The following GPR158 variants were observed in gnomAD, a reference collection of about 807,000 sequenced individuals.
GPR158 encodes G protein-coupled receptor 158.
GPR158 carries 30 observed loss-of-function variants against 78.2 expected under a neutral mutation model. The ratio of observed to expected loss-of-function variants is 0.38; its 90% CI spans 0.29 to 0.52. GPR158 has a LOEUF of 0.52. GPR158 is among the 20% of genes least tolerant of loss of function. The pLI is 0.83. For missense variants in GPR158, 1,463 were observed against 1,523.5 expected (o/e 0.96, Z 0.66); for synonymous variants, 581 against 591.1 (o/e 0.98, Z 0.25).
chr10:25,596,678 T>C lies in GPR158; in HGVS notation c.2034T>C (p.Ile678=). 4 of 1,613,618 alleles carry C rather than the reference T, an allele frequency of 2.5e-6. No individual in the cohort carries two copies. In the African/African-American group the frequency reaches 5.3e-5, roughly 22 times the overall value. ...CAAGCAATAACCCACGAGATGATAT[T>C]GCTACAGAAGCATATGAGGATGAGC... ...SHSSNNPRDD[I]ATEAYEDELD... The change falls in exon 10 of 11, where the codon ATT becomes ATC. Residue 678 remains isoleucine (I), a synonymous_variant. Transcript: ENST00000376351.
At position 25,477,768 on chromosome 10, in the gene GPR158, A is replaced by G. The variant is rs1835609011; in HGVS notation, c.1404+11049A>G. Among the ~76,000 whole-genome samples the G allele has an allele frequency of 2.0e-5, 3 of 152,202 alleles. 1 individual carries two copies. In the South Asian group the frequency reaches 6.2e-4, roughly 32 times the overall value. On this transcript the variant is annotated intron_variant, in intron 5 of 10. Transcript: ENST00000376351. ...ATGGGGATAGCCGTTTTATGTTAAC[A>G]TAGCTCAGAAGGTATGGGAATATTA... is the stretch of plus-strand genomic sequence containing the variant.
intron 2 of GPR158, among the ~76,000 whole-genome samples, chr10:25,367,562 C>A (rs1356238655): frequency 6.6e-6 from 1 of 151,720 alleles, no homozygotes; most frequent in African/African-American, 2.4e-5. Context: ...TGAATTCTGA[C>A]AAATGGAAAT....
rs369106219 is a variant in GPR158 at position 25,276,476 on chromosome 10, A to G, written c.1008+55319A>G. The stretch of plus-strand genomic sequence containing the variant: ...TCCCAATTATGTGATAGCTCACTTG[A>G]GGAGTTAATTAAATTTTGAATGTAG... On this transcript the variant is annotated intron_variant, in intron 2 of 10. Coordinates refer to ENST00000376351, the MANE Select transcript of GPR158 (RefSeq NM_020752.3). Among the ~76,000 whole-genome samples, 206 of 152,284 alleles carry G rather than the reference A, an allele frequency of 1.4e-3. 1 individual carries two copies. In the South Asian group the frequency reaches 0.019, roughly 14 times the overall value.
At chr10:25,558,445 G>A (rs1464298235) in intron 6 of GPR158, among the ~76,000 whole-genome samples, 1 of 152,154 alleles carries the variant, frequency 6.6e-6, no homozygotes, top group Admixed American at 6.5e-5. Flanking sequence ...ACTTCAGGCA[G>A]CAAAACGGGG....
At chr10:25,241,372 C>CTCTCT (rs368885244) in intron 2 of GPR158, among the ~76,000 whole-genome samples, 18,819 of 102,754 alleles carry the variant, frequency 0.18, 2,148 homozygotes, top group East Asian at 0.26. Context: ...CTTTTCTTTT[C>CTCTCT]TCTCTTCTCT....
At chr10:25,236,129 T>C (rs965817959) in intron 2 of GPR158, among the ~76,000 whole-genome samples, 4 of 152,206 alleles carry the variant, frequency 2.6e-5, no homozygotes, top group Non-Finnish European at 5.9e-5. Flanking sequence ...GAAACCAAAT[T>C]AGTGTCATTC....
chr10:25,309,723 G>A (rs938963123), intron 2 of GPR158, among the ~76,000 whole-genome samples: 6 of 152,002 alleles, frequency 3.9e-5, no homozygotes, highest in African/African-American at 1.4e-4. Flanking sequence ...GTGCTTCTCA[G>A]GATAGTGAAT....
intron 2 of GPR158, among the ~76,000 whole-genome samples, chr10:25,332,017 G>A (rs1479258771): frequency 6.6e-6 from 1 of 151,994 alleles, no homozygotes; most frequent in Admixed American, 6.6e-5. Flanking sequence ...AAAGTTAAAA[G>A]TCCTTTGTTT....
At chr10:25,275,768 G>T (rs1258210942) in intron 2 of GPR158, among the ~76,000 whole-genome samples, 2 of 152,016 alleles carry the variant, frequency 1.3e-5, no homozygotes, top group African/African-American at 2.4e-5. Context: ...AGGTCATTTT[G>T]CCCAATTCTG....
intron 2 of GPR158, among the ~76,000 whole-genome samples, chr10:25,286,268 G>A (rs959157173): frequency 4.0e-5 from 6 of 151,622 alleles, no homozygotes; most frequent in Admixed American, 2.0e-4. Context: ...CCTTCCCCTT[G>A]CCTCCCACTC....
At chr10:25,464,266 CCT>C (rs1835394432) in intron 4 of GPR158, among the ~76,000 whole-genome samples, 1 of 152,122 alleles carries the variant, frequency 6.6e-6, no homozygotes, top group Non-Finnish European at 1.5e-5. Flanking sequence ...TGCTACTGAG[CCT>C]ACTGGACATA....
chr10:25,332,282 T>G (rs920854316), intron 2 of GPR158, among the ~76,000 whole-genome samples: 1 of 152,180 alleles, frequency 6.6e-6, no homozygotes, highest in Non-Finnish European at 1.5e-5. Context: ...GCAAAAGACT[T>G]TGATGAAGAT....
chr10:25,444,927 G>C (rs1371819516), intron 4 of GPR158, among the ~76,000 whole-genome samples: 1 of 152,098 alleles, frequency 6.6e-6, no homozygotes, highest in Non-Finnish European at 1.5e-5. Flanking sequence ...CAACTTCTCT[G>C]ATCTATACAG....
At position 25,516,978 on chromosome 10, in the gene GPR158, C is replaced by T. The variant is rs1407227859; in HGVS notation, c.1405-33998C>T. On this transcript the variant is annotated intron_variant, in intron 5 of 10. Transcript: ENST00000376351. ...ACCTTGGGCAGTATGGCCATTTTCA[C>T]GATATTGATTCTTCCTACCCATGAG... Among the ~76,000 whole-genome samples, 40 of 149,608 alleles carry T rather than the reference C, an allele frequency of 2.7e-4. No homozygotes were observed. In the East Asian group the frequency reaches 3.7e-3, roughly 14 times the overall value.
rs140283966 is a variant in GPR158 at position 25,238,277 on chromosome 10, T to C, written c.1008+17120T>C. On this transcript the variant is annotated intron_variant, in intron 2 of 10. Coordinates refer to ENST00000376351, the MANE Select transcript of GPR158 (RefSeq NM_020752.3). Reference sequence around the variant, plus strand: ...TCCCGAAGTAGATGAAACTGTGTTTTCTCAGAAGGTAATCTTTCCAGTTCC... The same window carrying C: ...TCCCGAAGTAGATGAAACTGTGTTTCCTCAGAAGGTAATCTTTCCAGTTCC... Among the ~76,000 whole-genome samples, 632 of 152,332 alleles carry C rather than the reference T, an allele frequency of 4.1e-3. 5 individuals carry two copies. Among genetic ancestry groups the C allele is most frequent in the African/African-American group, 0.015 (617 of 41,580 alleles).
At position 25,389,642 on chromosome 10, in the gene GPR158, A is replaced by G. The variant is rs1317196992; in HGVS notation, c.1009-6269A>G. 2.0e-5 allele frequency among the ~76,000 whole-genome samples: 3 copies of G among 152,334 alleles called. No homozygotes were observed. The South Asian group carries it at 6.2e-4, about 32-fold the overall frequency. On this transcript the variant is annotated intron_variant, in intron 2 of 10. Transcript: ENST00000376351. ...GTGGGGCTAAAAAAGCTGTAACACA[A>G]ACAGGGCTGAAACACGCCCCTTGCA... is the stretch of plus-strand genomic sequence containing the variant.
intron 2 of GPR158, among the ~76,000 whole-genome samples, chr10:25,346,562 C>G (rs1347045759): frequency 6.6e-6 from 1 of 151,824 alleles, no homozygotes; most frequent in Non-Finnish European, 1.5e-5. Context: ...GCATATGTTC[C>G]TTATAGATTT....
chr10:25,311,693 G>C (rs889079632), intron 2 of GPR158, among the ~76,000 whole-genome samples: 1 of 151,812 alleles, frequency 6.6e-6, no homozygotes, highest in Non-Finnish European at 1.5e-5. Flanking sequence ...AAATATTTTT[G>C]AGTGCCCCAA....
At chr10:25,415,992 T>A (rs565323842) in intron 4 of GPR158, among the ~76,000 whole-genome samples, 4 of 152,278 alleles carry the variant, frequency 2.6e-5, no homozygotes, top group African/African-American at 9.6e-5. Context: ...AAGGTGAATA[T>A]TAAAGTATGT....
Sources: allele counts gnomAD v4.1 joint callset (sites outside exome capture counted in the v4.1 genomes callset), GRCh38; gene constraint gnomAD v4.1.1; transcripts MANE v1.5; gene names NCBI Gene and HGNC (gene_info 2026-07-23, HGNC 2026-07-21).